Variants in NAP1L1 observed in about 807,000 individuals in gnomAD.
NAP1L1 encodes nucleosome assembly protein 1-like 1.
A neutral mutation model predicts 58.9 loss-of-function variants in NAP1L1; 9 were observed. That is an observed-to-expected ratio of 0.15 (90% CI 0.09 to 0.27). The LOEUF (loss-of-function observed/expected upper bound fraction) is 0.27. Among genes scored for constraint, NAP1L1 ranks in the 10% least tolerant of loss-of-function variants. The pLI, the probability that NAP1L1 is intolerant of heterozygous loss-of-function variation, is 1.00. For missense variants in NAP1L1, 302 were observed against 458.8 expected (o/e 0.66, Z 3.12); for synonymous variants, 130 against 138.3 (o/e 0.94, Z 0.42).
chr12:76,063,327 T>C (rs542672919), intron 4 of NAP1L1, among the ~76,000 whole-genome samples: 50 of 152,194 alleles, frequency 3.3e-4, no homozygotes, highest in African/African-American at 1.2e-3. Flanking sequence ...GCCACTACCA[T>C]AGTAACAAAA....
At chr12:76,056,838 C>G (rs530468777) in intron 6 of NAP1L1, 7 of 315,630 alleles carry the variant, frequency 2.2e-5, no homozygotes, top group African/African-American at 1.5e-4. Context: ...ATGGCGAAAC[C>G]CCATCTTTAC....
rs1430420976 is a variant in NAP1L1, at chr12:76,037,609, C to G, written c.*10820G>C. The G allele has an allele frequency of 2.6e-5, 4 of 152,222 alleles. No homozygotes were observed. The highest frequency in any genetic ancestry group is 5.9e-5 in the Non-Finnish European group (4 of 68,040). The allele number at this position is 152,222 out of a possible 1,614,324, so 9.4% of individuals were successfully genotyped here. On this transcript the variant is annotated 3_prime_UTR_variant, in exon 15 of 15. Coordinates refer to ENST00000618691, the MANE Select transcript of NAP1L1 (RefSeq NM_004537.7). Reference sequence around the variant, plus strand: ...TGACAAGCCCTCCACAGAATGGGTCCTACTTATTTTGACTCGTTCCACTCA... The same window carrying G: ...TGACAAGCCCTCCACAGAATGGGTCGTACTTATTTTGACTCGTTCCACTCA...
intron 7 of NAP1L1, 129 bp downstream of exon 7, chr12:76,055,904 A>C (rs1262104619): frequency 3.2e-6 from 3 of 930,460 alleles, no homozygotes; most frequent in African/African-American, 3.4e-5. Flanking sequence ...TCTTCTACAG[A>C]TATTAGCTAT....
chr12:76,050,223 A>G (rs1196816773), intron 12 of NAP1L1, among the ~76,000 whole-genome samples: 2 of 152,194 alleles, frequency 1.3e-5, no homozygotes, highest in African/African-American at 2.4e-5. Context: ...CTTGTGCACT[A>G]AAGAAAGTCC....
intron 9 of NAP1L1, 22 bp downstream of exon 9, chr12:76,053,748 A>T (rs1340639825): frequency 6.3e-7 from 1 of 1,595,516 alleles, no homozygotes; most frequent in African/African-American, 1.4e-5. Flanking sequence ...ACATTTTGTT[A>T]AGGTAGTAAA....
At chr12:76,078,003 G>GAAAAAAAAAAAAATA (rs1565749743) in intron 1 of NAP1L1, among the ~76,000 whole-genome samples, 1 of 135,958 alleles carries the variant, frequency 7.4e-6, no homozygotes, top group Non-Finnish European at 1.5e-5. Flanking sequence ...AAAAAAAAAG[G>GAAAAAAAAAAAAATA]AAAAGAATTA....
At chr12:76,061,569 C>G (rs1241978109) in intron 4 of NAP1L1, among the ~76,000 whole-genome samples, 4 of 152,130 alleles carry the variant, frequency 2.6e-5, no homozygotes, top group Admixed American at 2.0e-4. Flanking sequence ...GAACAGGGGG[C>G]ACTGATTTTT....
intron 1 of NAP1L1, among the ~76,000 whole-genome samples, chr12:76,076,173 T>A (rs1341165351): frequency 1.3e-5 from 2 of 152,132 alleles, no homozygotes; most frequent in East Asian, 3.8e-4. Context: ...CATTTCAAAG[T>A]TTCACTCCCC....
chr12:76,068,894 A>G lies in NAP1L1; in HGVS notation c.103+15T>C. 1 of 1,578,276 alleles carries G rather than the reference A, an allele frequency of 6.3e-7. No individual in the cohort carries two copies. The highest frequency in any genetic ancestry group is 8.7e-7 in the Non-Finnish European group (1 of 1,148,780). Reference sequence around the variant, plus strand: ...GCCAGCAATCACTGGCTCCTGAAGTAATTTAAAGTAATACCTTTGAGTTTT... The same window carrying G: ...GCCAGCAATCACTGGCTCCTGAAGTGATTTAAAGTAATACCTTTGAGTTTT... On this transcript the variant is annotated intron_variant, in intron 3 of 14. Transcript: ENST00000618691.
intron 6 of NAP1L1, chr12:76,057,656 C>T: frequency 7.0e-7 from 1 of 1,433,854 alleles, no homozygotes; most frequent in Non-Finnish European, 9.6e-7. Flanking sequence ...TGTTCATTAC[C>T]AATAGAGTAC....
chr12:76,081,874 G>A (rs1314678711), intron 1 of NAP1L1, among the ~76,000 whole-genome samples: 1 of 152,074 alleles, frequency 6.6e-6, no homozygotes, highest in Non-Finnish European at 1.5e-5. Flanking sequence ...ATTATAACAG[G>A]TTCCTTTGTG....
chr12:76,072,233 T>C (rs1442844789), intron 2 of NAP1L1, among the ~76,000 whole-genome samples: 1 of 126,854 alleles, frequency 7.9e-6, no homozygotes, highest in Non-Finnish European at 1.7e-5. Context: ...GCAAATGGAC[T>C]ATAAAGATGG....
rs1296048354 is a variant in NAP1L1, at chr12:76,036,786, ACCAAGGCTGGG to A, written c.*11632_*11642del. On this transcript the variant is annotated 3_prime_UTR_variant, in exon 15 of 15. Transcript: ENST00000618691. ...TACCCTCATCAGGGTATAAAAGATAACCAAGGCTGGGCGCGGTGGCTCACGCCTGTAATCCC... is the reference window on the plus strand; with the variant it reads ...TACCCTCATCAGGGTATAAAAGATAACGCGGTGGCTCACGCCTGTAATCCC... 6.6e-6 allele frequency: 1 copy of A among 152,162 alleles called. No individual in the cohort carries two copies. The highest frequency in any genetic ancestry group is 1.5e-5 in the Non-Finnish European group (1 of 68,028). The allele number at this position is 152,162 out of a possible 1,614,324, so 9.4% of individuals were successfully genotyped here.
rs370215809 is a variant in NAP1L1, at chr12:76,053,367, G to C, written c.771-17C>G. The C allele has an allele frequency of 6.2e-7, 1 of 1,601,274 alleles. No homozygotes were observed. Reference sequence around the variant, plus strand: ...ATCTGGCACCTTGCAAAACAAAGAAGAAAAATCTATTACAATTGACAATCT... The same window carrying C: ...ATCTGGCACCTTGCAAAACAAAGAACAAAAATCTATTACAATTGACAATCT... On this transcript the variant is annotated splice_polypyrimidine_tract_variant and intron_variant, in intron 9 of 14. Transcript: ENST00000618691.
intron 4 of NAP1L1, among the ~76,000 whole-genome samples, chr12:76,066,066 A>C (rs1949652023): frequency 1.3e-5 from 2 of 151,004 alleles, no homozygotes; most frequent in South Asian, 4.1e-4. Context: ...AAAAAAAAAA[A>C]AAACTAGCTC....
chr12:76,077,819 A>C (rs1950240602), intron 1 of NAP1L1, among the ~76,000 whole-genome samples: 1 of 151,912 alleles, frequency 6.6e-6, no homozygotes, highest in South Asian at 2.1e-4. Context: ...CCCAGTCTCT[A>C]CTAAAATACA....
chr12:76,057,634 T>A, intron 6 of NAP1L1: 2 of 1,358,868 alleles, frequency 1.5e-6, no homozygotes, highest in South Asian at 1.2e-5. Context: ...TTGAGTCCTT[T>A]ATTGTGGAGT....
At chr12:76,082,168 A>G (rs1180294794) in intron 1 of NAP1L1, among the ~76,000 whole-genome samples, 2 of 152,162 alleles carry the variant, frequency 1.3e-5, no homozygotes, top group Admixed American at 1.3e-4. Flanking sequence ...AGTGAATAAA[A>G]TATTGTATTT....
At chr12:76,061,335 G>A (rs1042990441) in intron 4 of NAP1L1, among the ~76,000 whole-genome samples, 1 of 152,120 alleles carries the variant, frequency 6.6e-6, no homozygotes, top group Non-Finnish European at 1.5e-5. Context: ...TTGTGTTCAT[G>A]AGTTCTCATC....
Sources: gnomAD v4.1 joint callset for allele counts (sites outside exome capture counted in the v4.1 genomes callset) on GRCh38, gnomAD v4.1.1 for gene constraint, MANE v1.5 for transcripts, NCBI Gene and HGNC (gene_info 2026-07-23, HGNC 2026-07-21) for gene names.